The following NECTIN3 variants were observed in gnomAD, a reference collection of about 807,000 sequenced individuals.
The protein encoded by NECTIN3 is nectin-3.
Under a neutral mutation model 49.4 loss-of-function variants are expected in NECTIN3, and 8 were observed. That is an observed-to-expected ratio of 0.16 (90% confidence interval 0.10 to 0.29). The LOEUF (loss-of-function observed/expected upper bound fraction) is 0.29, where lower values mean the gene tolerates loss of function less well. Among genes scored for constraint, NECTIN3 ranks in the 10% least tolerant of loss-of-function variants. The pLI, the probability that NECTIN3 is intolerant of heterozygous loss-of-function variation, is 1.00. For missense variants in NECTIN3, 581 were observed against 654.6 expected, an observed-to-expected ratio of 0.89 and a Z score of 1.23; for synonymous variants, 277 against 241.1, an observed-to-expected ratio of 1.15 and a Z score of -1.38.
At position 111,126,250 on chromosome 3, in the gene NECTIN3, G is replaced by A. The variant is rs953747330; in HGVS notation, c.984G>A (p.Leu328=). The part of the protein sequence containing the change: ...SDNTLHFVHP[L]TFNYSGVYIC... ...ATACTCTTCATTTTGTCCATCCATTGACTTTCAATTATTCTGGTGTTTATA... is the reference window on the plus strand; with the variant it reads ...ATACTCTTCATTTTGTCCATCCATTAACTTTCAATTATTCTGGTGTTTATA... The change falls in exon 5 of 6, where the codon TTG becomes TTA. Residue 328 remains leucine, a synonymous_variant. Transcript: ENST00000485303. 6 of 1,609,996 alleles carry A rather than the reference G, an allele frequency of 3.7e-6. No homozygotes were observed. The highest frequency in any genetic ancestry group is 5.1e-6 in the Non-Finnish European group (6 of 1,178,734).
chr3:111,164,416 T>C (rs2035277733), intron 7 of NECTIN3, among the ~76,000 whole-genome samples: 1 of 152,236 alleles, frequency 6.6e-6, no homozygotes, highest in Non-Finnish European at 1.5e-5. Flanking sequence ...AGGGGGTTTC[T>C]TTCCTCATAT....
At chr3:111,174,793 T>C (rs192926380) in intron 7 of NECTIN3, among the ~76,000 whole-genome samples, 2 of 151,828 alleles carry the variant, frequency 1.3e-5, no homozygotes, top group East Asian at 3.9e-4. Flanking sequence ...TGTGTTACAG[T>C]GTGCCCTTTT....
intron 7 of NECTIN3, among the ~76,000 whole-genome samples, chr3:111,173,092 A>C (rs1195978288): frequency 1.3e-5 from 2 of 152,024 alleles, no homozygotes; most frequent in South Asian, 2.1e-4. Context: ...CAGATGGTGC[A>C]TATTCTCTTT....
intron 1 of NECTIN3, among the ~76,000 whole-genome samples, chr3:111,109,351 G>A (rs1369718631): frequency 6.6e-6 from 1 of 152,004 alleles, no homozygotes; most frequent in Non-Finnish European, 1.5e-5. Context: ...CCATTTGAAG[G>A]GGATAAAATA....
At chr3:111,190,923 TG>T (rs2035803113), upstream of NECTIN3, among the ~76,000 whole-genome samples, 1 of 152,182 alleles carries the variant, frequency 6.6e-6, no homozygotes, top group Admixed American at 6.5e-5. Flanking sequence ...AGATTAACTT[TG>T]ACAGGCAATG....
chr3:111,143,220 C>T (rs1356074108), intron 5 of NECTIN3, among the ~76,000 whole-genome samples: 2 of 151,578 alleles, frequency 1.3e-5, no homozygotes, highest in Admixed American at 1.3e-4. Context: ...TTTTTTTAAT[C>T]TAGTACATAT....
chr3:111,177,836 A>G (rs886649325), intron 7 of NECTIN3, among the ~76,000 whole-genome samples: 3 of 152,212 alleles, frequency 2.0e-5, no homozygotes, highest in Admixed American at 6.5e-5. Flanking sequence ...AGAAATGGTT[A>G]GGATTTATGA....
At chr3:111,124,404 A>G (rs945782148) in intron 4 of NECTIN3, among the ~76,000 whole-genome samples, 6 of 152,198 alleles carry the variant, frequency 3.9e-5, no homozygotes, top group African/African-American at 1.4e-4. Context: ...TGATATTTAG[A>G]TATTTCTAAG....
upstream of NECTIN3, among the ~76,000 whole-genome samples, chr3:111,191,601 G>A (rs1389643979): frequency 6.6e-6 from 1 of 151,972 alleles, no homozygotes; most frequent in Non-Finnish European, 1.5e-5. Flanking sequence ...TGTGGGGGGA[G>A]GGTGGGGATA....
chr3:111,131,352 G>T (rs2034382538), intron 5 of NECTIN3, among the ~76,000 whole-genome samples: 1 of 151,888 alleles, frequency 6.6e-6, no homozygotes, highest in African/African-American at 2.4e-5. Flanking sequence ...CTTTTGGGAA[G>T]GATTTAAAAT....
Position 111,126,206 on chromosome 3 carries a change from G to A in NECTIN3, c.940G>A (p.Gly314Ser). Residue 314 changes from glycine (G) to serine (S), a missense_variant, in exon 5 of 6, where the codon GGT becomes AGT. By Grantham distance (56) the Gly-to-Ser change is moderately conservative. Around this residue, in one of 3 missense-constraint regions of NECTIN3, gnomAD observed 234 missense variants for 340.6 expected, o/e 0.69. Coordinates refer to ENST00000485303, the MANE Select transcript of NECTIN3 (RefSeq NM_015480.3). ...WSRLDGQWPD[G>S]LLASDNTLHF... Reference sequence around the variant, plus strand: ...TAGGTTGGATGGACAATGGCCTGATGGTTTATTGGCTTCAGACAATACTCT... The same window carrying A: ...TAGGTTGGATGGACAATGGCCTGATAGTTTATTGGCTTCAGACAATACTCT... The A allele has an allele frequency of 6.3e-7, 1 of 1,597,274 alleles. No individual in the cohort carries two copies.
At chr3:111,096,264 T>A (rs2032578053) in intron 1 of NECTIN3, among the ~76,000 whole-genome samples, 1 of 152,200 alleles carries the variant, frequency 6.6e-6, no homozygotes, top group Non-Finnish European at 1.5e-5. Context: ...TGTAGAACTT[T>A]GAAGCTGAGA....
chr3:111,132,824 A>G (rs2107492296), intron 5 of NECTIN3, among the ~76,000 whole-genome samples: 1 of 152,048 alleles, frequency 6.6e-6, no homozygotes, highest in Admixed American at 6.6e-5. Flanking sequence ...TAAATTTCTG[A>G]ATGTTTAGAT....
chr3:111,175,542 A>G (rs1389232545), intron 7 of NECTIN3, among the ~76,000 whole-genome samples: 4 of 152,112 alleles, frequency 2.6e-5, no homozygotes, highest in Admixed American at 2.6e-4. Flanking sequence ...CAGGGCCCAT[A>G]CATTCTTTCA....
At chr3:111,191,058 C>T (rs974100636), upstream of NECTIN3, among the ~76,000 whole-genome samples, 2 of 152,140 alleles carry the variant, frequency 1.3e-5, no homozygotes, top group African/African-American at 4.8e-5. Flanking sequence ...TAGTGAAATG[C>T]AGAGCTTGTT....
chr3:111,076,053 T>C (rs1004371316), intron 1 of NECTIN3, among the ~76,000 whole-genome samples: 5 of 152,258 alleles, frequency 3.3e-5, no homozygotes, highest in East Asian at 1.9e-4. Flanking sequence ...CTTGCAGTTA[T>C]CTACAACATC....
At chr3:111,105,143 CT>C (rs2033118641) in intron 1 of NECTIN3, among the ~76,000 whole-genome samples, 1 of 93,658 alleles carries the variant, frequency 1.1e-5, no homozygotes, top group African/African-American at 3.0e-5. Context: ...TTTCTTTTTT[CT>C]TTTTTCTTTT....
chr3:111,152,132 G>A (rs908863908), intron 7 of NECTIN3, among the ~76,000 whole-genome samples: 9 of 151,920 alleles, frequency 5.9e-5, no homozygotes, highest in East Asian at 3.9e-4. Flanking sequence ...ATTGTAATGC[G>A]TGTATATTAC....
chr3:111,087,585 G>A (rs923676968), intron 1 of NECTIN3, among the ~76,000 whole-genome samples: 2 of 152,084 alleles, frequency 1.3e-5, no homozygotes, highest in Admixed American at 6.5e-5. Flanking sequence ...CCCAGGAGGT[G>A]GAGGTTGCAG....
Sources: gnomAD v4.1 joint callset for allele counts (sites outside exome capture counted in the v4.1 genomes callset) on GRCh38, gnomAD v4.1.1 for gene constraint, gnomAD v4.1.1 regional missense constraint, MANE v1.5 for transcripts, NCBI Gene and HGNC (gene_info 2026-07-23, HGNC 2026-07-21) for gene names.